SCHIP1: variants seen among roughly 807,000 people sequenced by gnomAD.
SCHIP1 encodes the protein schwannomin-interacting protein 1.
SCHIP1 carries 8 observed loss-of-function variants against 29.7 expected under a neutral mutation model. The ratio of observed to expected loss-of-function variants is 0.27; its 90% CI spans 0.16 to 0.49. The LOEUF (loss-of-function observed/expected upper bound fraction) is 0.49. Among genes scored for constraint, SCHIP1 ranks in the 20% least tolerant of loss-of-function variants. The pLI, the probability that SCHIP1 is intolerant of heterozygous loss-of-function variation, is 0.99. For synonymous variants in SCHIP1, 76 were observed against 94.9 expected, an observed-to-expected ratio of 0.80 and a Z score of 1.16; for missense variants, 193 against 294.6, an observed-to-expected ratio of 0.66 and a Z score of 2.52.
At chr3:159,857,609 G>A (rs1281584142) in intron 1 of SCHIP1, among the ~76,000 whole-genome samples, 1 of 151,944 alleles carries the variant, frequency 6.6e-6, no homozygotes, top group Non-Finnish European at 1.5e-5. Flanking sequence ...TCTTCTCTTA[G>A]CCTCTGACAA....
At chr3:159,756,248 C>T in the SCHIP1 span, among the ~76,000 whole-genome samples, 1 of 152,252 alleles carries the variant, frequency 6.6e-6, no homozygotes, top group Non-Finnish European at 1.5e-5. Flanking sequence ...CATTTCCATA[C>T]ATCTTTCAAA....
the SCHIP1 span, among the ~76,000 whole-genome samples, chr3:159,419,519 T>C: frequency 6.6e-6 from 1 of 152,164 alleles, no homozygotes; most frequent in Non-Finnish European, 1.5e-5. Flanking sequence ...TTAAAATTGA[T>C]GATATCTGGC....
chr3:159,589,099 A>G, the SCHIP1 span, among the ~76,000 whole-genome samples: 1 of 152,212 alleles, frequency 6.6e-6, no homozygotes, highest in Admixed American at 6.5e-5. Flanking sequence ...ACCCATGAGC[A>G]TGGAATGTTC....
chr3:159,408,140 T>C, the SCHIP1 span, among the ~76,000 whole-genome samples: 1 of 151,730 alleles, frequency 6.6e-6, no homozygotes, highest in Non-Finnish European at 1.5e-5. Context: ...CTACTAAAAA[T>C]ACAAAAAATT....
chr3:159,305,155 C>A, the SCHIP1 span, among the ~76,000 whole-genome samples: 2 of 152,194 alleles, frequency 1.3e-5, no homozygotes, highest in Non-Finnish European at 2.9e-5. Flanking sequence ...TGGGCCAGTT[C>A]ACCTGCATGC....
At chr3:159,885,868 G>A (rs905278690) in intron 2 of SCHIP1, among the ~76,000 whole-genome samples, 24 of 152,220 alleles carry the variant, frequency 1.6e-4, no homozygotes, top group Admixed American at 1.2e-3. Context: ...TTATTTGCCC[G>A]AGGACCCCAT....
chr3:159,659,304 A>G, the SCHIP1 span, among the ~76,000 whole-genome samples: 4 of 152,210 alleles, frequency 2.6e-5, no homozygotes, highest in Admixed American at 6.5e-5. Flanking sequence ...AATCTCCATG[A>G]GGACAGAGAC....
At chr3:159,789,574 C>CAA in the SCHIP1 span, among the ~76,000 whole-genome samples, 1 of 152,172 alleles carries the variant, frequency 6.6e-6, no homozygotes, top group East Asian at 1.9e-4. Context: ...GTTTGAAACA[C>CAA]AATTGCTGGG....
chr3:159,856,862 A>G (rs749485977), intron 1 of SCHIP1, among the ~76,000 whole-genome samples: 8 of 152,212 alleles, frequency 5.3e-5, no homozygotes, highest in Non-Finnish European at 1.0e-4. Flanking sequence ...ATAAACTGCA[A>G]TAAACAGGAA....
At chr3:159,734,225 C>T in the SCHIP1 span, among the ~76,000 whole-genome samples, 1 of 149,054 alleles carries the variant, frequency 6.7e-6, no homozygotes, top group Non-Finnish European at 1.5e-5. Flanking sequence ...TCACTTCAAC[C>T]TCCGCCTCCC....
At chr3:159,885,971 A>C (rs1353170761) in intron 2 of SCHIP1, among the ~76,000 whole-genome samples, 1 of 152,228 alleles carries the variant, frequency 6.6e-6, no homozygotes, top group South Asian at 2.1e-4. Flanking sequence ...GTGCTCTAAC[A>C]TGGGGCCTTA....
the SCHIP1 span, among the ~76,000 whole-genome samples, chr3:159,536,557 C>A: frequency 6.6e-6 from 1 of 152,146 alleles, no homozygotes; most frequent in Admixed American, 6.6e-5. Context: ...ATGTGAGGAA[C>A]CCCAGCTCTG....
chr3:159,450,399 A>G, the SCHIP1 span, among the ~76,000 whole-genome samples: 1 of 152,234 alleles, frequency 6.6e-6, no homozygotes, highest in African/African-American at 2.4e-5. Flanking sequence ...CTTTAGCTAC[A>G]TGCTTCTAAA....
chr3:159,655,076 T>C, the SCHIP1 span, among the ~76,000 whole-genome samples: 1 of 152,220 alleles, frequency 6.6e-6, no homozygotes, highest in South Asian at 2.1e-4. Context: ...AGTTCTGGGT[T>C]CAACTCCCAG....
the SCHIP1 span, among the ~76,000 whole-genome samples, chr3:159,612,723 G>T: frequency 2.0e-5 from 3 of 152,308 alleles, no homozygotes; most frequent in African/African-American, 7.2e-5. Context: ...CTCCAGCCTG[G>T]GTGACAAGAG....
chr3:159,632,258 C>T, the SCHIP1 span, among the ~76,000 whole-genome samples: 2 of 152,162 alleles, frequency 1.3e-5, no homozygotes, highest in South Asian at 2.1e-4. Context: ...TTTAGCTCTG[C>T]GCTGCAGCCC....
chr3:159,515,026 T>C, the SCHIP1 span, among the ~76,000 whole-genome samples: 8 of 152,136 alleles, frequency 5.3e-5, no homozygotes, highest in African/African-American at 1.9e-4. Context: ...AATCCTCTCA[T>C]ATCTATTTTC....
chr3:159,765,916 G>A, the SCHIP1 span, among the ~76,000 whole-genome samples: 27 of 152,136 alleles, frequency 1.8e-4, no homozygotes, highest in African/African-American at 4.8e-4. Flanking sequence ...GAGGGGTGCT[G>A]GAGTGGAAAA....
the SCHIP1 span, among the ~76,000 whole-genome samples, chr3:159,359,208 G>A: frequency 6.6e-6 from 1 of 152,114 alleles, no homozygotes; most frequent in Non-Finnish European, 1.5e-5. Flanking sequence ...TTACAGGCAT[G>A]AGCCACTGCG....
Sources: gnomAD v4.1 joint callset for allele counts (sites outside exome capture counted in the v4.1 genomes callset) on GRCh38, gnomAD v4.1.1 for gene constraint, MANE v1.5 for transcripts, NCBI Gene and HGNC (gene_info 2026-07-23, HGNC 2026-07-21) for gene names.